The following TMEM245 variants were observed in gnomAD, a reference collection of about 807,000 sequenced individuals.
TMEM245 encodes transmembrane protein 245.
Under a neutral mutation model 101.2 loss-of-function variants are expected in TMEM245, and 69 were observed. That is an observed-to-expected ratio of 0.68 (90% CI 0.56 to 0.83). TMEM245 has a LOEUF of 0.83. TMEM245 is among the 40% of genes least tolerant of loss of function. The pLI, the probability that TMEM245 is intolerant of heterozygous loss-of-function variation, is 0.00. For synonymous variants in TMEM245, 537 were observed against 449.8 expected, an observed-to-expected ratio of 1.19 and a Z score of -2.45; for missense variants, 1,075 against 1,092.8, an observed-to-expected ratio of 0.98 and a Z score of 0.23.
At chr9:109,101,980 C>A (rs1326681770) in intron 3 of TMEM245, among the ~76,000 whole-genome samples, 1 of 151,612 alleles carries the variant, frequency 6.6e-6, no homozygotes, top group Non-Finnish European at 1.5e-5. Context: ...ATAACAATTA[C>A]TTACTTGGCC....
intron 9 of TMEM245, among the ~76,000 whole-genome samples, chr9:109,066,392 T>C (rs756562776): frequency 8.0e-5 from 11 of 137,878 alleles, no homozygotes; most frequent in Non-Finnish European, 1.2e-4. Flanking sequence ...GAGGCAGACG[T>C]TGCAATGAGC....
At chr9:109,069,768 T>C (rs1455978965) in intron 9 of TMEM245, among the ~76,000 whole-genome samples, 1 of 152,174 alleles carries the variant, frequency 6.6e-6, no homozygotes, top group African/African-American at 2.4e-5. Context: ...TAAACAAAAC[T>C]GCTCTATACC....
intron 11 of TMEM245, among the ~76,000 whole-genome samples, chr9:109,058,330 C>A (rs1487369393): frequency 6.6e-6 from 1 of 151,668 alleles, no homozygotes; most frequent in African/African-American, 2.4e-5. Flanking sequence ...ATTTACCATA[C>A]AAGGTAAGGA....
chr9:109,056,258 C>A (rs1313669295), intron 12 of TMEM245, among the ~76,000 whole-genome samples: 1 of 151,880 alleles, frequency 6.6e-6, no homozygotes, highest in Non-Finnish European at 1.5e-5. Context: ...AATCTTTTAG[C>A]GTTGCTGCCT....
At chr9:109,065,823 T>C (rs1216147569) in intron 9 of TMEM245, among the ~76,000 whole-genome samples, 1 of 152,120 alleles carries the variant, frequency 6.6e-6, no homozygotes, top group Non-Finnish European at 1.5e-5. Flanking sequence ...AGTCATTTAC[T>C]TTCCTGAGGC....
intron 17 of TMEM245, among the ~76,000 whole-genome samples, chr9:109,027,083 A>G (rs1827811571): frequency 6.6e-6 from 1 of 152,182 alleles, no homozygotes; most frequent in African/African-American, 2.4e-5. Flanking sequence ...ACAAGACCCT[A>G]AAAAGCTGGA....
chr9:109,071,874 TAC>T lies in TMEM245; in HGVS notation c.1532+1480_1532+1481del, dbSNP rs1434718067. Among the ~76,000 whole-genome samples the T allele has an allele frequency of 3.3e-5, 5 of 152,224 alleles. 1 individual carries two copies. The highest frequency in any genetic ancestry group is 7.2e-5 in the African/African-American group (3 of 41,524). The stretch of plus-strand genomic sequence containing the variant: ...AAAACCCTTCTTCCAGAAGCCAAAT[TAC>T]ACAGAGATCCTATAAAACAGAAGTT... On this transcript the variant is annotated intron_variant, in intron 9 of 17. Coordinates refer to ENST00000374586, the MANE Select transcript of TMEM245 (RefSeq NM_032012.4).
chr9:109,050,714 A>G (rs776821007), intron 12 of TMEM245, 22 bp from the exon 13 acceptor site: 7 of 1,611,882 alleles, frequency 4.3e-6, no homozygotes, highest in Non-Finnish European at 5.9e-6. Flanking sequence ...GGAAAGCTGG[A>G]TATCAGAACC....
intron 9 of TMEM245, among the ~76,000 whole-genome samples, chr9:109,071,603 C>CAA (rs202086560): frequency 5.1e-4 from 63 of 124,204 alleles, no homozygotes; most frequent in Middle Eastern, 4.0e-3. Context: ...GACCCTGTCT[C>CAA]AAAAAAAAAA....
At chr9:109,054,244 T>C (rs985149661) in intron 12 of TMEM245, among the ~76,000 whole-genome samples, 1 of 152,116 alleles carries the variant, frequency 6.6e-6, no homozygotes, top group Non-Finnish European at 1.5e-5. Context: ...AGGAGGAGGA[T>C]GAAGCAGAAG....
At chr9:109,046,227 G>A (rs1437996417) in intron 14 of TMEM245, 3 of 534,394 alleles carry the variant, frequency 5.6e-6, no homozygotes, top group Non-Finnish European at 1.2e-5. Context: ...ATGCACTCAT[G>A]TGAAAATATC....
chr9:109,079,076 C>T (rs1829597277), intron 8 of TMEM245, among the ~76,000 whole-genome samples: 1 of 152,168 alleles, frequency 6.6e-6, no homozygotes, highest in Non-Finnish European at 1.5e-5. Flanking sequence ...GCAAGAATGT[C>T]ACCTGTTTTT....
intron 12 of TMEM245, among the ~76,000 whole-genome samples, chr9:109,054,272 A>T (rs2132406906): frequency 6.6e-6 from 1 of 152,324 alleles, no homozygotes; most frequent in East Asian, 1.9e-4. Context: ...TGAGCCCAGG[A>T]GGTCAAGGAT....
intron 17 of TMEM245, among the ~76,000 whole-genome samples, chr9:109,032,168 A>G (rs1036995145): frequency 6.6e-6 from 1 of 152,078 alleles, no homozygotes; most frequent in Non-Finnish European, 1.5e-5. Context: ...ATCATTGGTT[A>G]TGACTGGTTA....
chr9:109,058,247 G>A (rs913688954), intron 11 of TMEM245, among the ~76,000 whole-genome samples: 12 of 151,438 alleles, frequency 7.9e-5, no homozygotes, highest in Admixed American at 3.3e-4. Context: ...CTCGTGATCC[G>A]CCCGCCTCAG....
chr9:109,028,663 G>C (rs1168701347), intron 17 of TMEM245, among the ~76,000 whole-genome samples: 1 of 152,052 alleles, frequency 6.6e-6, no homozygotes, highest in Non-Finnish European at 1.5e-5. Flanking sequence ...GGTGGGCTGG[G>C]TCTAATCAGG....
chr9:109,027,340 GT>G (rs35939859), intron 17 of TMEM245, among the ~76,000 whole-genome samples: 66,602 of 151,538 alleles, frequency 0.44, 14,958 homozygotes, highest in African/African-American at 0.49. Context: ...AAAACTAGAG[GT>G]TTTTTTCCCC....
chr9:109,108,676 G>T, intron 1 of TMEM245, 106 bp from the exon 2 acceptor site: 1 of 705,164 alleles, frequency 1.4e-6, no homozygotes, highest in Non-Finnish European at 2.2e-6. Flanking sequence ...TCTGGACATA[G>T]CACAGAAAAG....
At chr9:109,068,004 T>C (rs2132466069) in intron 9 of TMEM245, among the ~76,000 whole-genome samples, 1 of 152,134 alleles carries the variant, frequency 6.6e-6, no homozygotes, top group South Asian at 2.1e-4. Flanking sequence ...CTATTTCCAA[T>C]CCCATCCCCA....
Sources: gnomAD v4.1 joint callset for allele counts (sites outside exome capture counted in the v4.1 genomes callset) on GRCh38, gnomAD v4.1.1 for gene constraint, MANE v1.5 for transcripts, NCBI Gene and HGNC (gene_info 2026-07-23, HGNC 2026-07-21) for gene names.